Variants in GATA4 observed in about 807,000 individuals in gnomAD.
GATA4 encodes GATA binding protein 4, also known as transcription factor GATA-4.
In GATA4, 7 loss-of-function variants were observed where a neutral mutation model predicts 37.9. That is an observed-to-expected ratio of 0.18 (90% CI 0.11 to 0.35). The LOEUF is 0.35. Among genes scored for constraint, GATA4 ranks in the 10% least tolerant of loss-of-function variants. The pLI, the probability that GATA4 is intolerant of heterozygous loss-of-function variation, is 1.00. For synonymous variants in GATA4, 372 were observed against 292.6 expected, an observed-to-expected ratio of 1.27 and a Z score of -2.77; for missense variants, 647 against 653.0, an observed-to-expected ratio of 0.99 and a Z score of 0.10.
Position 11,756,954 on chromosome 8 carries a change from C to T in GATA4, c.1020C>T (p.Ser340=), listed in dbSNP as rs1042942931. 1 of 1,614,116 alleles carries T rather than the reference C, an allele frequency of 6.2e-7. No individual in the cohort carries two copies. The highest frequency in any genetic ancestry group is 8.5e-7 in the Non-Finnish European group (1 of 1,180,050). ...KTPAAPSGSE[S]LPPASGASSN... The stretch of plus-strand genomic sequence containing the variant: ...TTCCAGCTCCTTCAGGCAGTGAGAG[C>T]CTTCCTCCCGCCAGCGGTGCTTCCA... The change falls in exon 6 of 7, where the codon AGC becomes AGT. Residue 340 remains serine, a synonymous_variant. Coordinates refer to ENST00000532059, the MANE Select transcript of GATA4 (RefSeq NM_001308093.3).
At chr8:11,696,269 A>G (rs1260380163) in intron 1 of GATA4, among the ~76,000 whole-genome samples, 1 of 151,574 alleles carries the variant, frequency 6.6e-6, no homozygotes, top group East Asian at 1.9e-4. Flanking sequence ...CTCCCCCTCT[A>G]CAGTCAACTC....
rs1189455978 is a variant in GATA4, at chr8:11,713,698, G to A, written c.616+4770G>A. Among the ~76,000 whole-genome samples the A allele has an allele frequency of 3.3e-5, 5 of 152,282 alleles. No homozygotes were observed. In the East Asian group the frequency reaches 9.6e-4, roughly 29 times the overall value. On this transcript the variant is annotated intron_variant, in intron 2 of 6. Transcript: ENST00000532059. ...AACTCTGTGTTAGTGAAGGTGAGCA[G>A]ATATTAGATGTGAGAAGAACACTCC...
intron 2 of GATA4, among the ~76,000 whole-genome samples, chr8:11,745,238 C>G (rs3207196): frequency 0.056 from 8,482 of 152,036 alleles, 757 homozygotes; most frequent in African/African-American, 0.19. Context: ...GCTGAGATCA[C>G]GCTCCAGGGA....
upstream of GATA4, among the ~76,000 whole-genome samples, chr8:11,702,844 T>C (rs1003894333): frequency 6.6e-6 from 1 of 152,320 alleles, no homozygotes; most frequent in East Asian, 1.9e-4. The surrounding 1 kb of genome is among the most constrained non-coding windows in gnomAD (Gnocchi z 4.4). Flanking sequence ...TGCGCCCCAG[T>C]GAACCTCCGC....
At chr8:11,704,534 C>T (rs777385382) in intron 1 of GATA4, among the ~76,000 whole-genome samples, 1 of 152,242 alleles carries the variant, frequency 6.6e-6, no homozygotes. Context: ...ATTGGAAGCG[C>T]CTTTGGATTC....
intron 2 of GATA4, among the ~76,000 whole-genome samples, chr8:11,728,980 C>T (rs749746614): frequency 6.6e-6 from 1 of 152,170 alleles, no homozygotes; most frequent in Non-Finnish European, 1.5e-5. Flanking sequence ...CGCCTGTAAT[C>T]CCAGTACTTC....
intron 2 of GATA4, among the ~76,000 whole-genome samples, chr8:11,726,639 G>A (rs1417609448): frequency 6.6e-6 from 1 of 152,150 alleles, no homozygotes; most frequent in African/African-American, 2.4e-5. Flanking sequence ...CGGTGCAGAG[G>A]GGTGGAGGAG....
intron 1 of GATA4, among the ~76,000 whole-genome samples, chr8:11,705,732 T>A (rs963284637): frequency 6.6e-6 from 1 of 152,228 alleles, no homozygotes; most frequent in African/African-American, 2.4e-5. Context: ...CTCCACCTTC[T>A]GTTGTTCTAG....
At chr8:11,701,244 GAA>G (rs56051265), upstream of GATA4, among the ~76,000 whole-genome samples, 6,351 of 126,338 alleles carry the variant, frequency 0.05, 317 homozygotes, top group African/African-American at 0.16. Context: ...CAGGTTCTTA[GAA>G]AAAAAAAAAA....
chr8:11,697,513 G>A (rs1799540918), intron 1 of GATA4: 1 of 979,468 alleles, frequency 1.0e-6, no homozygotes, highest in Non-Finnish European at 1.2e-6. Flanking sequence ...ACCTGCTGCA[G>A]TTGGGGAGGG....
At chr8:11,696,361 G>A (rs1330726917) in intron 1 of GATA4, among the ~76,000 whole-genome samples, 2 of 152,028 alleles carry the variant, frequency 1.3e-5, no homozygotes, top group Non-Finnish European at 2.9e-5. Context: ...CATAGAAAAT[G>A]GATTTTGTCT....
At chr8:11,718,159 G>A (rs1028354629) in intron 2 of GATA4, among the ~76,000 whole-genome samples, 30 of 152,218 alleles carry the variant, frequency 2.0e-4, no homozygotes, top group African/African-American at 6.5e-4. Flanking sequence ...CATGGATCAA[G>A]ACAATGACTA....
At chr8:11,679,569 C>T (rs1681804988) in intron 1 of GATA4, among the ~76,000 whole-genome samples, 1 of 152,206 alleles carries the variant, frequency 6.6e-6, no homozygotes, top group South Asian at 2.1e-4. Flanking sequence ...GGGCCGCTTG[C>T]GGGGCGCGCA....
At chr8:11,746,453 A>G (rs1027025765) in intron 2 of GATA4, among the ~76,000 whole-genome samples, 4 of 152,164 alleles carry the variant, frequency 2.6e-5, no homozygotes, top group African/African-American at 7.2e-5. Flanking sequence ...CAAGGCCTCT[A>G]TGTCCAAGTG....
chr8:11,703,632 C>T (rs1029347895), upstream of GATA4, among the ~76,000 whole-genome samples: 5 of 152,250 alleles, frequency 3.3e-5, no homozygotes, highest in Admixed American at 1.3e-4. Context: ...CCGACCATCT[C>T]CCTGGGATTT....
At chr8:11,721,412 G>A (rs2130145322) in intron 2 of GATA4, among the ~76,000 whole-genome samples, 1 of 150,850 alleles carries the variant, frequency 6.6e-6, no homozygotes, top group South Asian at 2.1e-4. Context: ...CAGGATTCGA[G>A]CAGCACTTCA....
rs1007140818 is a variant in GATA4, at chr8:11,680,750, C to T, written c.-274+3687C>T. On this transcript the variant is annotated intron_variant, in intron 1 of 6. Coordinates refer to the GATA4 transcript ENST00000528712. ...ACCCTGGGCGGCGAGGAGAGCCCGG[C>T]TTCTGCGCACCCCTCTCCAGATGCG... The T allele has an allele frequency of 9.1e-6, 9 of 985,276 alleles. No individual in the cohort carries two copies. The African/African-American group carries it at 1.6e-4, about 17-fold the overall frequency. 61.0% of individuals were successfully genotyped at this position (985,276 alleles called of 1,614,324 possible).
At chr8:11,681,202 G>A in intron 1 of GATA4, 1 of 985,358 alleles carries the variant, frequency 1.0e-6, no homozygotes, top group African/African-American at 1.7e-5. Context: ...TGGCCCGCGC[G>A]GGATCTGGAG....
intron 2 of GATA4, among the ~76,000 whole-genome samples, chr8:11,716,483 A>C (rs559776824): frequency 2.0e-4 from 31 of 152,228 alleles, no homozygotes; most frequent in Non-Finnish European, 3.8e-4. Flanking sequence ...GATCAAAACC[A>C]TCCTCAGTGG....
Sources: allele counts gnomAD v4.1 joint callset (sites outside exome capture counted in the v4.1 genomes callset), GRCh38; gene constraint gnomAD v4.1.1; non-coding constraint Gnocchi (gnomAD v3.1); transcripts MANE v1.5; gene names NCBI Gene and HGNC (gene_info 2026-07-23, HGNC 2026-07-21).